DND1: variants seen among roughly 807,000 people sequenced by gnomAD.
DND1 encodes DND microRNA-mediated repression inhibitor 1.
DND1 carries 6 observed loss-of-function variants against 30.4 expected under a neutral mutation model. The ratio of observed to expected loss-of-function variants is 0.20; its 90% CI spans 0.11 to 0.39. The LOEUF (loss-of-function observed/expected upper bound fraction) is 0.39, where lower values mean the gene tolerates loss of function less well. Ranked by LOEUF, DND1 falls within the 10% of genes least tolerant of loss-of-function variation. The pLI, the probability that DND1 is intolerant of heterozygous loss-of-function variation, is 1.00. For synonymous variants in DND1, 178 were observed against 210.4 expected, an observed-to-expected ratio of 0.85 and a Z score of 1.33; for missense variants, 358 against 474.9, an observed-to-expected ratio of 0.75 and a Z score of 2.29.
rs533708303 is a variant in DND1, at chr5:140,671,652, A to G, written c.703T>C (p.Ser235Pro). The change falls in exon 4 of 4, where the codon TCC becomes CCC. Residue 235 changes from serine (S) to proline (P), a missense_variant. By Grantham distance (74) the Ser-to-Pro change is moderately conservative. Coordinates refer to ENST00000542735, the MANE Select transcript of DND1 (RefSeq NM_194249.3). Reference protein sequence around the residue: ...RQQLVGPFLRSPQPEGSQLAL... With the variant: ...RQQLVGPFLRPPQPEGSQLAL... ...AACTGGCTGCCCTCTGGCTGTGGGG[A>G]CCGCAAGAAGGGACCCACAAGCTGC... is the stretch of plus-strand genomic sequence containing the variant. 2.8e-4 allele frequency: 441 copies of G among 1,580,802 alleles called. 3 individuals carry two copies. Among genetic ancestry groups the G allele is most frequent in the Non-Finnish European group, 1.2e-5 (14 of 1,163,694 alleles).
In DND1 at chr5:140,672,562, G is replaced by C. The variant is rs762567505; in HGVS notation, c.487C>G (p.Pro163Ala). 8.2e-6 allele frequency: 13 copies of C among 1,584,988 alleles called. No homozygotes were observed. In the South Asian group the frequency reaches 1.5e-4, roughly 18 times the overall value. The change falls in exon 3 of 4, where the codon CCC becomes GCC. Residue 163 changes from proline to alanine, a missense_variant. By Grantham distance (27) the Pro-to-Ala change is conservative. Around this residue, in one of 3 missense-constraint regions of DND1, gnomAD observed 62 missense variants for 40.6 expected, o/e 1.53. Coordinates refer to ENST00000542735, the MANE Select transcript of DND1 (RefSeq NM_194249.3). Reference protein sequence around the residue: ...ALLLALQPLGPGLQEARLLPS... With the variant: ...ALLLALQPLGAGLQEARLLPS... ...AGCAGCCGCGCCTCCTGCAAGCCGG[G>C]ACCCAGCGGCTGCAGCGCGAGCAGC...
In DND1 at chr5:140,671,202, G is replaced by A. The variant is rs1409176076; in HGVS notation, c.*91C>T. The A allele has an allele frequency of 3.2e-6, 5 of 1,540,324 alleles. No homozygotes were observed. Among genetic ancestry groups the A allele is most frequent in the Non-Finnish European group, 4.5e-6 (5 of 1,117,350 alleles). ...GGCCCATGCCCCTCCCCACCTTTGG[G>A]GGTCAGAAAGTGGCCACCCAGGCCT... is the stretch of plus-strand genomic sequence containing the variant. On this transcript the variant is annotated 3_prime_UTR_variant, in exon 4 of 4. Coordinates refer to ENST00000542735, the MANE Select transcript of DND1 (RefSeq NM_194249.3).
intron 3 of DND1, 149 bp from the exon 4 acceptor site, chr5:140,671,899 T>C: frequency 1.2e-6 from 1 of 868,294 alleles, no homozygotes; most frequent in Non-Finnish European, 1.8e-6. Flanking sequence ...CAATGAAGCC[T>C]TCAGCCTCCA....
chr5:140,673,096 T>A, intron 2 of DND1, 175 bp downstream of exon 2: 1 of 991,428 alleles, frequency 1.0e-6, no homozygotes, highest in Non-Finnish European at 1.6e-6. Flanking sequence ...TAGGTACACC[T>A]TGAGATTGGC....
chr5:140,671,889 CAATG>C lies in DND1; in HGVS notation c.605-143_605-140del, dbSNP rs1255895956. ...TAGTGTGACCATGGGTAAGAAAAGA[CAATG>C]AAGCCTTCAGCCTCCATTATTTGCA... On this transcript the variant is annotated intron_variant, in intron 3 of 3. Transcript: ENST00000542735. 8 of 952,342 alleles carry C rather than the reference CAATG, an allele frequency of 8.4e-6. No homozygotes were observed. The Admixed American group carries it at 1.7e-4, about 20-fold the overall frequency. 59.0% of individuals were successfully genotyped at this position (952,342 alleles called of 1,614,324 possible).
intron 3 of DND1, 34 bp from the exon 4 acceptor site, chr5:140,671,784 A>C (rs764985364): frequency 6.4e-7 from 1 of 1,552,522 alleles, no homozygotes. Flanking sequence ...GGGCAGGTCT[A>C]AACCCTGGGC....
rs1758079207 is a variant in DND1 at position 140,671,693 on chromosome 5, T to C, written c.662A>G (p.Lys221Arg). 1.3e-6 allele frequency: 2 copies of C among 1,585,852 alleles called. No individual in the cohort carries two copies. Among genetic ancestry groups the C allele is most frequent in the African/African-American group, 1.3e-5 (1 of 74,736 alleles). Residue 221 changes from lysine (K) to arginine (R), a missense_variant, in exon 4 of 4, where the codon AAG becomes AGG. By Grantham distance (26) the Lys-to-Arg change is conservative. This residue lies in a region of DND1 where 176 missense variants were observed against 235.2 expected (regional missense o/e 0.75). Transcript: ENST00000542735. ...VAVEWLKPDL[K>R]QRLRQQLVGP... ...CACAAGCTGCTGGCGAAGTCGCTGC[T>C]TCAGGTCTGGCTTGAGCCACTCCAC... is the stretch of plus-strand genomic sequence containing the variant.
rs759729985 is a variant in DND1 at position 140,673,270 on chromosome 5, C to A, written c.142+1G>T. The A allele has an allele frequency of 6.2e-7, 1 of 1,613,460 alleles. No individual in the cohort carries two copies. Among genetic ancestry groups the A allele is most frequent in the Non-Finnish European group, 8.5e-7 (1 of 1,179,954 alleles). On this transcript the variant is annotated splice_donor_variant, in intron 2 of 3. Transcript: ENST00000542735. LOFTEE classifies it high-confidence loss of function. The stretch of plus-strand genomic sequence containing the variant: ...AGGCGGAGGGGCTGGGACTACCGTA[C>A]CTGGGGGTGGCCCGCCATACTTCCT...
At chr5:140,672,160 C>CT in intron 3 of DND1, 1 of 566,140 alleles carries the variant, frequency 1.8e-6, no homozygotes, top group East Asian at 3.0e-5. Context: ...ATCAATTTCT[C>CT]TAACAGTTTC....
In DND1 at chr5:140,672,910, T is replaced by C; in HGVS notation, c.143-4A>G. 3 of 1,537,040 alleles carry C rather than the reference T, an allele frequency of 2.0e-6. No homozygotes were observed. Among genetic ancestry groups the C allele is most frequent in the South Asian group, 1.2e-5 (1 of 84,126 alleles). The stretch of plus-strand genomic sequence containing the variant: ...GGCGGCGGGCTGCCCACCCAGCCTG[T>C]GGGAAGAGGGTATGCAAGGCCACCG... On this transcript the variant is annotated splice_region_variant and splice_polypyrimidine_tract_variant and intron_variant, in intron 2 of 3. Coordinates refer to ENST00000542735, the MANE Select transcript of DND1 (RefSeq NM_194249.3).
chr5:140,671,221 C>G lies in DND1; in HGVS notation c.*72G>C, dbSNP rs1387952182. The stretch of plus-strand genomic sequence containing the variant: ...CTTTGGGGGTCAGAAAGTGGCCACC[C>G]AGGCCTGCTGGGATGGGGCCTGACA... On this transcript the variant is annotated 3_prime_UTR_variant, in exon 4 of 4. Transcript: ENST00000542735. The G allele has an allele frequency of 3.1e-6, 5 of 1,601,008 alleles. No individual in the cohort carries two copies. Among genetic ancestry groups the G allele is most frequent in the Non-Finnish European group, 4.3e-6 (5 of 1,171,026 alleles).
chr5:140,671,901 C>T (rs1758086151), intron 3 of DND1, 151 bp from the exon 4 acceptor site: 1 of 857,922 alleles, frequency 1.2e-6, no homozygotes, highest in Non-Finnish European at 1.9e-6. Context: ...ATGAAGCCTT[C>T]AGCCTCCATT....
Position 140,671,233 on chromosome 5 carries a change from G to T in DND1, c.*60C>A. ...GAAAGTGGCCACCCAGGCCTGCTGG[G>T]ATGGGGCCTGACACAGGCTCTGCAT... On this transcript the variant is annotated 3_prime_UTR_variant, in exon 4 of 4. Coordinates refer to ENST00000542735, the MANE Select transcript of DND1 (RefSeq NM_194249.3). 6.2e-7 allele frequency: 1 copy of T among 1,604,870 alleles called. No homozygotes were observed. The highest frequency in any genetic ancestry group is 1.1e-5 in the South Asian group (1 of 90,746).
chr5:140,672,057 T>C, intron 3 of DND1: 1 of 562,028 alleles, frequency 1.8e-6, no homozygotes, highest in South Asian at 2.1e-5. Context: ...GTGTGCTAAG[T>C]ACCGTACACC....
Position 140,671,147 on chromosome 5 carries a change from C to G in DND1, c.*146G>C. On this transcript the variant is annotated 3_prime_UTR_variant, in exon 4 of 4. Transcript: ENST00000542735. ...AAGCTGCCCCCAGGTGCCATAGGTC[C>G]CTGTCCCAGCAGGGAGGCTGATGGG... The G allele has an allele frequency of 4.8e-6, 5 of 1,036,142 alleles. No individual in the cohort carries two copies. The South Asian group carries it at 7.2e-5, about 15-fold the overall frequency. 64.2% of individuals were successfully genotyped at this position (1,036,142 alleles called of 1,614,324 possible).
At position 140,672,724 on chromosome 5, in the gene DND1, G is replaced by T. The variant is rs1188061408; in HGVS notation, c.325C>A (p.Arg109Ser). 1.9e-6 allele frequency: 3 copies of T among 1,584,768 alleles called. No homozygotes were observed. The highest frequency in any genetic ancestry group is 2.6e-6 in the Non-Finnish European group (3 of 1,172,982). ...GFAYARYSSRRGAQAAIATLH... is the reference protein window; with the variant it reads ...GFAYARYSSRSGAQAAIATLH... ...GTGGCGATGGCGGCCTGCGCGCCGC[G>T]CCTCGAGCTGTAGCGGGCATAGGCG... is the stretch of plus-strand genomic sequence containing the variant. Residue 109 changes from arginine (R) to serine (S), a missense_variant, in exon 3 of 4, where the codon CGC (arginine) becomes AGC (serine). Arg to Ser is a moderately radical substitution (Grantham distance 110, BLOSUM62 -1). This residue lies in a region of DND1 where 120 missense variants were observed against 199.1 expected (regional missense o/e 0.60). Coordinates refer to ENST00000542735, the MANE Select transcript of DND1 (RefSeq NM_194249.3).
At chr5:140,671,941 C>T (rs1447825166) in intron 3 of DND1, 191 bp from the exon 4 acceptor site, 4 of 652,814 alleles carry the variant, frequency 6.1e-6, no homozygotes, top group Admixed American at 2.7e-5. Context: ...CACACTGCTA[C>T]CTTACAAGTT....
chr5:140,671,222 A>C lies in DND1; in HGVS notation c.*71T>G. The C allele has an allele frequency of 1.2e-6, 2 of 1,600,814 alleles. No individual in the cohort carries two copies. Among genetic ancestry groups the C allele is most frequent in the Non-Finnish European group, 1.7e-6 (2 of 1,170,624 alleles). On this transcript the variant is annotated 3_prime_UTR_variant, in exon 4 of 4. Coordinates refer to ENST00000542735, the MANE Select transcript of DND1 (RefSeq NM_194249.3). ...TTTGGGGGTCAGAAAGTGGCCACCCAGGCCTGCTGGGATGGGGCCTGACAC... is the reference window on the plus strand; with the variant it reads ...TTTGGGGGTCAGAAAGTGGCCACCCCGGCCTGCTGGGATGGGGCCTGACAC...
intron 3 of DND1, chr5:140,672,215 G>A (rs1758100026): frequency 1.7e-6 from 1 of 593,872 alleles, no homozygotes; most frequent in African/African-American, 1.9e-5. Context: ...TGTGGGGGTG[G>A]GGGAAGGTTG....
Sources: gnomAD v4.1 joint callset for allele counts on GRCh38, gnomAD v4.1.1 for gene constraint, gnomAD v4.1.1 regional missense constraint, MANE v1.5 for transcripts, NCBI Gene and HGNC (gene_info 2026-07-23, HGNC 2026-07-21) for gene names.